RERE: variants seen among roughly 807,000 people sequenced by gnomAD.
The protein encoded by RERE is arginine-glutamic acid dipeptide repeats protein.
In RERE, 40 loss-of-function variants were observed where a neutral mutation model predicts 146.1. The ratio of observed to expected loss-of-function variants is 0.27; its 90% CI spans 0.21 to 0.36. RERE has a LOEUF of 0.36. Among genes scored for constraint, RERE ranks in the 10% least tolerant of loss-of-function variants. RERE has a pLI of 1.00. For synonymous variants in RERE, 1,003 were observed against 866.0 expected, an observed-to-expected ratio of 1.16 and a Z score of -2.78; for missense variants, 1,933 against 2,138.7, an observed-to-expected ratio of 0.90 and a Z score of 1.90.
chr1:8,489,104 G>A (rs181995311), intron 10 of RERE, among the ~76,000 whole-genome samples: 4 of 152,236 alleles, frequency 2.6e-5, no homozygotes, highest in Non-Finnish European at 4.4e-5. Context: ...GGCATTTTGG[G>A]AAGCTGAAGT....
At chr1:8,657,611 C>A (rs995047126) in intron 1 of RERE, among the ~76,000 whole-genome samples, 1 of 152,124 alleles carries the variant, frequency 6.6e-6, no homozygotes, top group African/African-American at 2.4e-5. Flanking sequence ...CTTTGGGAGG[C>A]CAAGGCAGGG....
intron 4 of RERE, among the ~76,000 whole-genome samples, chr1:8,587,121 T>C (rs1646436466): frequency 6.6e-6 from 1 of 152,192 alleles, no homozygotes; most frequent in East Asian, 1.9e-4. Flanking sequence ...CCCTCCTCTT[T>C]CACACATCAA....
At chr1:8,568,449 G>C (rs1646178098) in intron 4 of RERE, among the ~76,000 whole-genome samples, 1 of 152,206 alleles carries the variant, frequency 6.6e-6, no homozygotes, top group African/African-American at 2.4e-5. Context: ...CAATGTAACA[G>C]TATTAACAAG....
intron 3 of RERE, among the ~76,000 whole-genome samples, chr1:8,622,486 TAAA>T (rs1167355778): frequency 6.5e-4 from 28 of 43,016 alleles, no homozygotes; most frequent in African/African-American, 2.2e-3. Context: ...TGTATCTGTT[TAAA>T]AAAAAAAAAA....
At chr1:8,636,738 T>C (rs1366347247) in intron 2 of RERE, among the ~76,000 whole-genome samples, 2 of 152,226 alleles carry the variant, frequency 1.3e-5, no homozygotes, top group South Asian at 2.1e-4. Flanking sequence ...GGAAACTGAA[T>C]CCTGAAAAGT....
chr1:8,493,210 C>A (rs535478416), intron 10 of RERE, among the ~76,000 whole-genome samples: 1 of 152,350 alleles, frequency 6.6e-6, no homozygotes, highest in African/African-American at 2.4e-5. Flanking sequence ...ACAGCCTCTA[C>A]TGGGCAGTAG....
rs940335907 is a variant in RERE at position 8,420,142 on chromosome 1, A to G, written c.1284+2585T>C. ...AAGTTCCAAGTCACTTGCGAATAAC[A>G]AAGAAATGAGTTAATAATTCTGGTA... On this transcript the variant is annotated intron_variant, in intron 12 of 22. Coordinates refer to ENST00000400908, the MANE Select transcript of RERE (RefSeq NM_001042681.2). 5.9e-5 allele frequency among the ~76,000 whole-genome samples: 9 copies of G among 152,210 alleles called. 1 individual carries two copies. Among genetic ancestry groups the G allele is most frequent in the African/African-American group, 1.9e-4 (8 of 41,448 alleles).
At chr1:8,479,873 GC>G (rs1389898122) in intron 10 of RERE, among the ~76,000 whole-genome samples, 1 of 152,074 alleles carries the variant, frequency 6.6e-6, no homozygotes. Flanking sequence ...ATTTAAGAGA[GC>G]TATAAAAAAG....
intron 1 of RERE, among the ~76,000 whole-genome samples, chr1:8,771,441 T>C (rs1022643375): frequency 2.0e-5 from 3 of 151,174 alleles, no homozygotes; most frequent in Non-Finnish European, 4.4e-5. Context: ...GGAGAATCGC[T>C]TGAACCCAGG....
rs12077920 is a variant in RERE, at chr1:8,535,441, T to C, written c.830+5773A>G. ...TTGTGGTTATGTAAGAAAATGCTCA[T>C]GTTCATAGGAACTACACAAAATACT... On this transcript the variant is annotated intron_variant, in intron 7 of 22. Transcript: ENST00000400908. Among the ~76,000 whole-genome samples, 379 of 152,334 alleles carry C rather than the reference T, an allele frequency of 2.5e-3. 3 individuals are homozygous for C. The highest frequency in any genetic ancestry group is 8.3e-3 in the African/African-American group (345 of 41,578).
At chr1:8,541,841 T>G (rs900716990) in intron 6 of RERE, among the ~76,000 whole-genome samples, 1 of 152,168 alleles carries the variant, frequency 6.6e-6, no homozygotes, top group African/African-American at 2.4e-5. Flanking sequence ...AATTAAAACC[T>G]AGAGAAATTT....
chr1:8,414,055 C>CA (rs71580026), intron 12 of RERE, among the ~76,000 whole-genome samples: 1,510 of 91,684 alleles, frequency 0.016, 56 homozygotes, highest in African/African-American at 0.06. Context: ...AACTCCATCT[C>CA]AAAAAAAAAA....
intron 7 of RERE, among the ~76,000 whole-genome samples, chr1:8,531,683 G>GT (rs1380481351): frequency 1.3e-5 from 2 of 152,152 alleles, no homozygotes; most frequent in Non-Finnish European, 2.9e-5. Flanking sequence ...GGTGCTTGCT[G>GT]TAAGTTTATG....
chr1:8,557,963 C>A (rs1463877400), intron 4 of RERE, among the ~76,000 whole-genome samples: 1 of 152,168 alleles, frequency 6.6e-6, no homozygotes. Flanking sequence ...AGAACTTACC[C>A]CACAAGGCCT....
At chr1:8,760,040 T>G (rs1323682695) in intron 1 of RERE, among the ~76,000 whole-genome samples, 5 of 152,200 alleles carry the variant, frequency 3.3e-5, no homozygotes, top group Non-Finnish European at 7.3e-5. Context: ...GTTTTGTTTT[T>G]TTGAGATGGA....
chr1:8,635,240 C>T (rs993660404), intron 2 of RERE, among the ~76,000 whole-genome samples: 10 of 152,146 alleles, frequency 6.6e-5, no homozygotes, highest in Non-Finnish European at 8.8e-5. Flanking sequence ...TTGCAATCAT[C>T]CATCTCCTTA....
At chr1:8,540,562 T>C (rs1237516718) in intron 7 of RERE, among the ~76,000 whole-genome samples, 1 of 152,202 alleles carries the variant, frequency 6.6e-6, no homozygotes. Flanking sequence ...CAAGTATGAA[T>C]ATATACACTC....
intron 1 of RERE, among the ~76,000 whole-genome samples, chr1:8,675,533 G>A (rs1348903818): frequency 6.6e-6 from 1 of 150,720 alleles, no homozygotes; most frequent in Non-Finnish European, 1.5e-5. Context: ...AATTAGACAG[G>A]CGTGGTGGCA....
intron 1 of RERE, among the ~76,000 whole-genome samples, chr1:8,697,462 A>G (rs1639357246): frequency 7.3e-6 from 1 of 137,226 alleles, no homozygotes; most frequent in Non-Finnish European, 1.5e-5. Flanking sequence ...GCGTGATCTC[A>G]GCTCACTGCA....
Sources: gnomAD v4.1 joint callset for allele counts (sites outside exome capture counted in the v4.1 genomes callset) on GRCh38, gnomAD v4.1.1 for gene constraint, MANE v1.5 for transcripts, NCBI Gene and HGNC (gene_info 2026-07-23, HGNC 2026-07-21) for gene names.